Variants in GRID2 observed in about 807,000 individuals in gnomAD.
GRID2 encodes the protein glutamate receptor ionotropic, delta-2.
A neutral mutation model predicts 114.8 loss-of-function variants in GRID2; 33 were observed. The ratio of observed to expected loss-of-function variants is 0.29; its 90% confidence interval spans 0.22 to 0.38. The LOEUF (loss-of-function observed/expected upper bound fraction) is 0.38, where lower values mean the gene tolerates loss of function less well. GRID2 is among the 10% of genes least tolerant of loss of function. The pLI is 1.00. For synonymous variants in GRID2, 505 were observed against 449.9 expected, an observed-to-expected ratio of 1.12 and a Z score of -1.55; for missense variants, 1,184 against 1,257.7, an observed-to-expected ratio of 0.94 and a Z score of 0.89.
chr4:92,721,805 C>T (rs1450016616), intron 2 of GRID2, among the ~76,000 whole-genome samples: 1 of 152,096 alleles, frequency 6.6e-6, no homozygotes, highest in Non-Finnish European at 1.5e-5. Flanking sequence ...ACATCAAGAG[C>T]AGAAGGCTAA....
rs146934713 is a variant in GRID2 at position 92,640,785 on chromosome 4, G to A, written c.244+50499G>A. 8.6e-5 allele frequency among the ~76,000 whole-genome samples: 13 copies of A among 151,652 alleles called. No individual in the cohort carries two copies. The East Asian group carries it at 2.5e-3, about 29-fold the overall frequency. ...GATTAGACTATATTGCCTCTACCAG[G>A]TTATTGCAAGCACTTAAACTTGTAA... On this transcript the variant is annotated intron_variant, in intron 2 of 15. Coordinates refer to ENST00000282020, the MANE Select transcript of GRID2 (RefSeq NM_001510.4).
At chr4:93,061,488 C>T (rs908079471) in intron 2 of GRID2, among the ~76,000 whole-genome samples, 2 of 151,948 alleles carry the variant, frequency 1.3e-5, no homozygotes, top group Non-Finnish European at 2.9e-5. Flanking sequence ...AAAATAAACT[C>T]CAACAATTCT....
At chr4:93,520,538 G>T (rs994450434) in intron 13 of GRID2, among the ~76,000 whole-genome samples, 1 of 152,136 alleles carries the variant, frequency 6.6e-6, no homozygotes, top group Non-Finnish European at 1.5e-5. Context: ...GCAGAAGCTA[G>T]CTTGGCATAC....
intron 14 of GRID2, among the ~76,000 whole-genome samples, chr4:93,713,079 C>T (rs909957713): frequency 3.3e-5 from 5 of 152,094 alleles, no homozygotes; most frequent in African/African-American, 1.2e-4. Flanking sequence ...CTTTTGGGTT[C>T]TTGAAATGAG....
intron 8 of GRID2, among the ~76,000 whole-genome samples, chr4:93,247,375 C>T (rs1047691213): frequency 1.4e-4 from 22 of 152,038 alleles, no homozygotes; most frequent in Admixed American, 3.3e-4. Flanking sequence ...CTCACCCATA[C>T]GGATAGGCAT....
intron 2 of GRID2, among the ~76,000 whole-genome samples, chr4:93,046,744 A>C (rs1726174031): frequency 6.6e-6 from 1 of 151,908 alleles, no homozygotes; most frequent in African/African-American, 2.4e-5. Context: ...AACCATTTTC[A>C]TACTAAGTTG....
intron 2 of GRID2, among the ~76,000 whole-genome samples, chr4:92,808,938 A>G (rs751532441): frequency 3.3e-5 from 5 of 151,986 alleles, no homozygotes; most frequent in Non-Finnish European, 5.9e-5. Flanking sequence ...CCTAGATGAG[A>G]GCATTTTGGT....
In GRID2 at chr4:93,393,881, G is replaced by C. The variant is rs187289504; in HGVS notation, c.1246-1726G>C. On this transcript the variant is annotated intron_variant, in intron 8 of 15. Coordinates refer to ENST00000282020, the MANE Select transcript of GRID2 (RefSeq NM_001510.4). Reference sequence around the variant, plus strand: ...TAAGGGGGACAGAAAAGAAATTCCTGTGTGTGCTTTGGCAGCTTAGACATA... The same window carrying C: ...TAAGGGGGACAGAAAAGAAATTCCTCTGTGTGCTTTGGCAGCTTAGACATA... Among the ~76,000 whole-genome samples the C allele has an allele frequency of 1.9e-3, 286 of 152,074 alleles. 3 individuals are homozygous for C. Among genetic ancestry groups the C allele is most frequent in the African/African-American group, 6.4e-3 (264 of 41,548 alleles).
intron 8 of GRID2, among the ~76,000 whole-genome samples, chr4:93,394,516 C>T (rs570900113): frequency 6.6e-6 from 1 of 151,854 alleles, no homozygotes; most frequent in African/African-American, 2.4e-5. Flanking sequence ...GGGAGACTTG[C>T]CAGCCAGTAT....
At chr4:93,662,219 A>G (rs72873053) in intron 14 of GRID2, among the ~76,000 whole-genome samples, 5,790 of 152,098 alleles carry the variant, frequency 0.038, 145 homozygotes, top group African/African-American at 0.064. Flanking sequence ...TGCGGCCGTC[A>G]CTGACCAACC....
In GRID2 at chr4:93,174,251, T is replaced by C. The variant is rs115548850; in HGVS notation, c.736-33153T>C. On this transcript the variant is annotated intron_variant, in intron 4 of 15. Transcript: ENST00000282020. Reference sequence around the variant, plus strand: ...TCATCTAAAGTCTCCTTTGTGCTATTATGATCTCAGATACCTCCCCCCAAA... The same window carrying C: ...TCATCTAAAGTCTCCTTTGTGCTATCATGATCTCAGATACCTCCCCCCAAA... Among the ~76,000 whole-genome samples the C allele has an allele frequency of 1.6e-3, 240 of 152,304 alleles. 1 individual carries two copies. Among genetic ancestry groups the C allele is most frequent in the African/African-American group, 5.6e-3 (231 of 41,574 alleles).
chr4:93,317,157 A>G (rs1756745715), intron 8 of GRID2, among the ~76,000 whole-genome samples: 1 of 152,064 alleles, frequency 6.6e-6, no homozygotes, highest in African/African-American at 2.4e-5. Flanking sequence ...CAATGTGTCC[A>G]TTAAAGAATG....
chr4:93,223,240 G>A (rs1349424675), intron 6 of GRID2, among the ~76,000 whole-genome samples: 1 of 152,036 alleles, frequency 6.6e-6, no homozygotes, highest in African/African-American at 2.4e-5. Context: ...GCTGGGATAG[G>A]GAGTGAAAAT....
In GRID2 at chr4:92,304,470, T is replaced by G. The variant is rs1364632001; in HGVS notation, c.-187T>G. The G allele has an allele frequency of 9.8e-6, 6 of 612,420 alleles. No individual in the cohort carries two copies. The highest frequency in any genetic ancestry group is 1.4e-5 in the Non-Finnish European group (5 of 346,894). 37.9% of individuals were successfully genotyped at this position (612,420 alleles called of 1,614,324 possible). A position where few individuals can be genotyped will look rare whatever the true frequency, so the allele number is the denominator to read the frequency against. On this transcript the variant is annotated 5_prime_UTR_variant, in exon 1 of 16. Transcript: ENST00000282020. ...CTTTGCGAAGGAGGTTTCCTCAGGC[T>G]GGGCTCTTTCTGTCATTCCCTTCTG...
chr4:93,594,905 C>T (rs1738902044), intron 13 of GRID2, among the ~76,000 whole-genome samples: 1 of 152,228 alleles, frequency 6.6e-6, no homozygotes, highest in Non-Finnish European at 1.5e-5. Flanking sequence ...CCTCGCCCTG[C>T]TTCGGCTCAT....
At chr4:93,013,558 T>A (rs1468278502) in intron 2 of GRID2, among the ~76,000 whole-genome samples, 1 of 152,010 alleles carries the variant, frequency 6.6e-6, no homozygotes, top group Non-Finnish European at 1.5e-5. Flanking sequence ...TTTAGGGGGT[T>A]ATGTATTAAA....
chr4:93,594,276 A>G (rs1394427659), intron 13 of GRID2, among the ~76,000 whole-genome samples: 1 of 152,150 alleles, frequency 6.6e-6, no homozygotes, highest in African/African-American at 2.4e-5. Context: ...TCTAACACAC[A>G]GGACCCTCAG....
At chr4:92,894,299 C>A (rs1376408683) in intron 2 of GRID2, among the ~76,000 whole-genome samples, 3 of 151,892 alleles carry the variant, frequency 2.0e-5, no homozygotes, top group African/African-American at 7.2e-5. Flanking sequence ...TGTTTATTTG[C>A]TTATTATTTT....
At chr4:92,818,502 G>T (rs1741056655) in intron 2 of GRID2, among the ~76,000 whole-genome samples, 1 of 152,070 alleles carries the variant, frequency 6.6e-6, no homozygotes, top group South Asian at 2.1e-4. Flanking sequence ...GAGCTATTTT[G>T]CCTATACTAA....
Sources: gnomAD v4.1 joint callset for allele counts (sites outside exome capture counted in the v4.1 genomes callset) on GRCh38, gnomAD v4.1.1 for gene constraint, MANE v1.5 for transcripts, NCBI Gene and HGNC (gene_info 2026-07-23, HGNC 2026-07-21) for gene names.